The following DENND5B variants were observed in gnomAD, a reference collection of about 807,000 sequenced individuals.
DENND5B encodes DENN domain containing 5B, also known as DENN domain-containing protein 5B.
Under a neutral mutation model 140.6 loss-of-function variants are expected in DENND5B, and 34 were observed. The observed-to-expected ratio is 0.24, with a 90% CI of 0.18 to 0.32. The LOEUF is 0.32. DENND5B is among the 10% of genes least tolerant of loss of function. The probability of loss-of-function intolerance (pLI) is 1.00; values close to 1 mark genes in which losing one functional copy is unlikely to be tolerated. For missense variants in DENND5B, 1,142 were observed against 1,560.2 expected, an observed-to-expected ratio of 0.73 and a Z score of 4.52; for synonymous variants, 551 against 562.1, an observed-to-expected ratio of 0.98 and a Z score of 0.28.
At chr12:31,470,128 T>TC (rs201892097) in intron 3 of DENND5B, among the ~76,000 whole-genome samples, 7 of 143,018 alleles carry the variant, frequency 4.9e-5, no homozygotes, top group South Asian at 2.2e-4. Flanking sequence ...TTTTTTTTTT[T>TC]CTTTGGAGAT....
At chr12:31,442,578 CTTTT>C (rs879136415) in intron 7 of DENND5B, among the ~76,000 whole-genome samples, 193 bp downstream of exon 7, 1 of 143,328 alleles carries the variant, frequency 7.0e-6, no homozygotes, top group Non-Finnish European at 1.5e-5. Context: ...TTGTTTTTTT[CTTTT>C]TTTTTTTAAA....
At chr12:31,437,988 TTTTC>T (rs1943854275) in intron 7 of DENND5B, among the ~76,000 whole-genome samples, 9 of 152,184 alleles carry the variant, frequency 5.9e-5, no homozygotes, top group Admixed American at 5.9e-4. Context: ...ATTCCAGATT[TTTTC>T]TTTTTTTGAG....
chr12:31,497,475 G>C (rs1432463862), intron 1 of DENND5B, among the ~76,000 whole-genome samples: 1 of 151,904 alleles, frequency 6.6e-6, no homozygotes, highest in Non-Finnish European at 1.5e-5. Flanking sequence ...GCATCAAAAA[G>C]TCAGCAGAGG....
chr12:31,525,883 C>T (rs1284756354), intron 1 of DENND5B, among the ~76,000 whole-genome samples: 1 of 152,088 alleles, frequency 6.6e-6, no homozygotes, highest in East Asian at 1.9e-4. Context: ...GTCCCAGCTA[C>T]TCCAGAGGCT....
At chr12:31,390,355 T>A (rs949656732) in intron 19 of DENND5B, among the ~76,000 whole-genome samples, 2 of 152,188 alleles carry the variant, frequency 1.3e-5, no homozygotes, top group African/African-American at 4.8e-5. Context: ...TTAAATAGAT[T>A]TGGCCAGGCA....
intron 1 of DENND5B, among the ~76,000 whole-genome samples, chr12:31,509,929 GTCCC>G (rs1455383215): frequency 6.6e-6 from 1 of 152,120 alleles, no homozygotes; most frequent in Non-Finnish European, 1.5e-5. Flanking sequence ...CACAAATTCA[GTCCC>G]TGCCAACTAA....
chr12:31,494,201 C>CT (rs1565635564), intron 2 of DENND5B, among the ~76,000 whole-genome samples: 928 of 85,844 alleles, frequency 0.011, 23 homozygotes, highest in East Asian at 0.023. Flanking sequence ...TCCATCCATC[C>CT]ACCTACCTAC....
intron 6 of DENND5B, among the ~76,000 whole-genome samples, 178 bp downstream of exon 6, chr12:31,447,360 A>C (rs1593187950): frequency 1.3e-5 from 2 of 152,162 alleles, no homozygotes; most frequent in East Asian, 3.8e-4. Context: ...GAGAAGAGGA[A>C]CGTCAAGTAG....
At chr12:31,446,196 G>A (rs1011180270) in intron 6 of DENND5B, among the ~76,000 whole-genome samples, 4 of 151,720 alleles carry the variant, frequency 2.6e-5, no homozygotes, top group East Asian at 3.9e-4. Flanking sequence ...TTGCCCAGGC[G>A]GGAGTGCAGT....
At chr12:31,523,899 T>G (rs548548992) in intron 1 of DENND5B, among the ~76,000 whole-genome samples, 1 of 152,272 alleles carries the variant, frequency 6.6e-6, no homozygotes, top group East Asian at 1.9e-4. Flanking sequence ...ACTTAGCTCC[T>G]AGGATGTGAT....
chr12:31,535,395 AAG>A (rs756002096), intron 1 of DENND5B: 110 of 156,854 alleles, frequency 7.0e-4, no homozygotes, highest in Middle Eastern at 3.1e-3. Flanking sequence ...AGCACAGAGA[AAG>A]AGAGAGAGAG....
At chr12:31,475,875 G>C (rs1945783173) in intron 3 of DENND5B, among the ~76,000 whole-genome samples, 1 of 152,186 alleles carries the variant, frequency 6.6e-6, no homozygotes, top group Admixed American at 6.5e-5. Context: ...TGTAATCCCA[G>C]CACTTTGGGA....
chr12:31,433,023 A>G, intron 8 of DENND5B, 132 bp downstream of exon 8: 1 of 751,442 alleles, frequency 1.3e-6, no homozygotes. Flanking sequence ...AAAAGGATTA[A>G]TATTTTAAAC....
chr12:31,576,630 C>T (rs1259389), intron 1 of DENND5B, among the ~76,000 whole-genome samples: 103,696 of 151,996 alleles, frequency 0.68, 36,463 homozygotes, highest in East Asian at 0.88. Flanking sequence ...CACCTATAAT[C>T]CCAGCACTTT....
intron 1 of DENND5B, among the ~76,000 whole-genome samples, chr12:31,510,407 C>T (rs1349783863): frequency 6.6e-6 from 1 of 152,298 alleles, no homozygotes; most frequent in Non-Finnish European, 1.5e-5. Flanking sequence ...CCTTTGCCTC[C>T]GGGGTTCAAG....
intron 1 of DENND5B, among the ~76,000 whole-genome samples, chr12:31,559,301 T>C (rs1949397416): frequency 6.6e-6 from 1 of 152,104 alleles, no homozygotes; most frequent in African/African-American, 2.4e-5. Context: ...AAACACAGAA[T>C]AAAAGAATAA....
intron 1 of DENND5B, among the ~76,000 whole-genome samples, chr12:31,548,323 G>A (rs932952114): frequency 1.3e-5 from 2 of 151,832 alleles, no homozygotes; most frequent in African/African-American, 2.4e-5. Context: ...GAGCCCAGGA[G>A]GTCAAGGCTG....
chr12:31,461,059 A>G (rs1303068342), intron 3 of DENND5B, among the ~76,000 whole-genome samples: 2 of 151,850 alleles, frequency 1.3e-5, no homozygotes, highest in Admixed American at 6.6e-5. Context: ...TTTATACATG[A>G]ATGCTTACAC....
In DENND5B at chr12:31,535,752, C is replaced by T. The variant is rs151012200; in HGVS notation, c.128-39833G>A. On this transcript the variant is annotated intron_variant, in intron 1 of 20. Transcript: ENST00000389082. ...CAATGCCCAGACACCAACAAACATC[C>T]GCAAGTATCAAGACCATCCAGGAAA... 2.3e-4 allele frequency among the ~76,000 whole-genome samples: 35 copies of T among 152,262 alleles called. No individual in the cohort carries two copies. The East Asian group carries it at 4.2e-3, about 18-fold the overall frequency.
Sources: gnomAD v4.1 joint callset for allele counts (sites outside exome capture counted in the v4.1 genomes callset) on GRCh38, gnomAD v4.1.1 for gene constraint, MANE v1.5 for transcripts, NCBI Gene and HGNC (gene_info 2026-07-23, HGNC 2026-07-21) for gene names.